KCNQ5: variants seen among roughly 807,000 people sequenced by gnomAD.
KCNQ5 encodes the protein potassium voltage-gated channel subfamily Q member 5, also known as potassium voltage-gated channel subfamily KQT member 5.
In KCNQ5, 30 loss-of-function variants were observed where a neutral mutation model predicts 98.2. The ratio of observed to expected loss-of-function variants is 0.31; its 90% CI spans 0.23 to 0.41. The LOEUF (loss-of-function observed/expected upper bound fraction) is 0.41. Among genes scored for constraint, KCNQ5 ranks in the 10% least tolerant of loss-of-function variants. The pLI, the probability that KCNQ5 is intolerant of heterozygous loss-of-function variation, is 1.00. For synonymous variants in KCNQ5, 458 were observed against 449.4 expected (o/e 1.02, Z -0.24); for missense variants, 835 against 1,182.5 (o/e 0.71, Z 4.31).
chr6:72,849,890 A>G (rs956063682), intron 1 of KCNQ5, among the ~76,000 whole-genome samples: 10 of 152,250 alleles, frequency 6.6e-5, no homozygotes, highest in Admixed American at 6.5e-4. Context: ...TCCCAGAGTC[A>G]CCAACTTGTT....
chr6:72,751,685 A>G (rs1771693399), intron 1 of KCNQ5, among the ~76,000 whole-genome samples: 1 of 152,110 alleles, frequency 6.6e-6, no homozygotes, highest in Non-Finnish European at 1.5e-5. Context: ...AAAAAGCAGC[A>G]TAATTAGGAT....
intron 2 of KCNQ5, among the ~76,000 whole-genome samples, chr6:73,009,974 A>G (rs191191116): frequency 5.6e-4 from 86 of 152,320 alleles, no homozygotes; most frequent in African/African-American, 1.9e-3. Flanking sequence ...AATCCTTCTG[A>G]AACTATTCCA....
At chr6:72,677,638 G>A (rs1299709817) in intron 1 of KCNQ5, among the ~76,000 whole-genome samples, 1 of 152,000 alleles carries the variant, frequency 6.6e-6, no homozygotes, top group Non-Finnish European at 1.5e-5. Context: ...TAAGCTTTAG[G>A]TAAGGTAAAG....
chr6:73,057,571 C>G (rs1472514824), intron 3 of KCNQ5, among the ~76,000 whole-genome samples: 2 of 151,860 alleles, frequency 1.3e-5, no homozygotes. Context: ...CTACAACAAG[C>G]ATTATAAAAC....
intron 2 of KCNQ5, among the ~76,000 whole-genome samples, chr6:73,009,661 C>A (rs186557674): frequency 6.6e-6 from 1 of 151,936 alleles, no homozygotes; most frequent in Non-Finnish European, 1.5e-5. Flanking sequence ...AAAGAATACT[C>A]GAATTAATAG....
intron 2 of KCNQ5, among the ~76,000 whole-genome samples, chr6:73,012,000 T>A (rs1279640696): frequency 6.6e-6 from 1 of 152,022 alleles, no homozygotes; most frequent in Non-Finnish European, 1.5e-5. Context: ...GAAAATGGAA[T>A]CCTTGTTCAC....
In KCNQ5 at chr6:73,104,948, C is replaced by G. The variant is rs73753244; in HGVS notation, c.919-309C>G. Among the ~76,000 whole-genome samples, 1,130 of 152,266 alleles carry G rather than the reference C, an allele frequency of 7.4e-3. 17 individuals carry two copies. The highest frequency in any genetic ancestry group is 0.025 in the African/African-American group (1,022 of 41,562). ...TTATTATTTGTGTACTGATCCAGTC[C>G]TAAATCCATGGTGCTATCATTTCTG... is the stretch of plus-strand genomic sequence containing the variant. On this transcript the variant is annotated intron_variant, in intron 5 of 13. Transcript: ENST00000370398.
chr6:72,946,422 C>A (rs117210517), intron 1 of KCNQ5, among the ~76,000 whole-genome samples: 15 of 152,074 alleles, frequency 9.9e-5, no homozygotes, highest in Admixed American at 9.2e-4. Context: ...ATTTATTACA[C>A]GCTGTAATTC....
chr6:72,732,829 G>GTGA, intron 1 of KCNQ5, among the ~76,000 whole-genome samples: 1 of 152,296 alleles, frequency 6.6e-6, no homozygotes, highest in Non-Finnish European at 1.5e-5. Flanking sequence ...AGAGTGGCAA[G>GTGA]TGACTTGCAA....
intron 10 of KCNQ5, among the ~76,000 whole-genome samples, chr6:73,154,815 T>C (rs1202929746): frequency 6.6e-6 from 1 of 152,202 alleles, no homozygotes; most frequent in Non-Finnish European, 1.5e-5. Context: ...TTATAAAAAG[T>C]AAACATTATG....
intron 1 of KCNQ5, among the ~76,000 whole-genome samples, chr6:72,773,549 T>G (rs1182193410): frequency 6.6e-6 from 1 of 152,148 alleles, no homozygotes; most frequent in Non-Finnish European, 1.5e-5. Context: ...TGTGTATACC[T>G]GTGTAAGAAA....
rs371080275 is a variant in KCNQ5, at chr6:72,684,036, G to A, written c.398+61449G>A. Among the ~76,000 whole-genome samples the A allele has an allele frequency of 2.9e-4, 44 of 152,216 alleles. 2 individuals are homozygous for A. The highest frequency in any genetic ancestry group is 1.1e-3 in the African/African-American group (44 of 41,544). ...GTCAATATCAACACACAGGTCTTTTGATTTCAAAACCTACAAGAAAACTCT... is the reference window on the plus strand; with the variant it reads ...GTCAATATCAACACACAGGTCTTTTAATTTCAAAACCTACAAGAAAACTCT... On this transcript the variant is annotated intron_variant, in intron 1 of 13. Coordinates refer to ENST00000370398, the MANE Select transcript of KCNQ5 (RefSeq NM_019842.4).
intron 1 of KCNQ5, among the ~76,000 whole-genome samples, chr6:72,654,586 G>A (rs1766048953): frequency 6.6e-6 from 1 of 152,042 alleles, no homozygotes; most frequent in South Asian, 2.1e-4. Context: ...AATGACACAA[G>A]ACTAGAGGCT....
chr6:72,683,492 C>T (rs971454891), intron 1 of KCNQ5, among the ~76,000 whole-genome samples: 5 of 151,532 alleles, frequency 3.3e-5, no homozygotes, highest in Non-Finnish European at 7.4e-5. Context: ...CTCAGCCTTC[C>T]GAGTAGCTGG....
At chr6:73,053,800 CAA>C (rs1772343599) in intron 3 of KCNQ5, among the ~76,000 whole-genome samples, 1 of 151,978 alleles carries the variant, frequency 6.6e-6, no homozygotes, top group African/African-American at 2.4e-5. Context: ...AATAGAGAAA[CAA>C]GAGCAGATCG....
At chr6:72,924,157 A>G (rs1337549951) in intron 1 of KCNQ5, among the ~76,000 whole-genome samples, 1 of 152,166 alleles carries the variant, frequency 6.6e-6, no homozygotes. Context: ...TTCATCTTCT[A>G]ATCATTACAC....
At chr6:72,941,472 C>G (rs546908378) in intron 1 of KCNQ5, among the ~76,000 whole-genome samples, 15 of 140,654 alleles carry the variant, frequency 1.1e-4, no homozygotes, top group Non-Finnish European at 2.1e-4. Flanking sequence ...TCTTCCTTCC[C>G]TCCTTCCCTC....
At chr6:72,767,919 TCAAA>T (rs977797001) in intron 1 of KCNQ5, among the ~76,000 whole-genome samples, 5 of 151,950 alleles carry the variant, frequency 3.3e-5, no homozygotes, top group South Asian at 2.1e-4. Flanking sequence ...TGGAAAACAG[TCAAA>T]CAGACTGGCA....
chr6:72,642,557 G>C (rs997287507), intron 1 of KCNQ5, among the ~76,000 whole-genome samples: 3 of 152,108 alleles, frequency 2.0e-5, no homozygotes, highest in Non-Finnish European at 4.4e-5. Context: ...ACCACAATGA[G>C]ATACCATCTC....
Sources: allele counts gnomAD v4.1 joint callset (sites outside exome capture counted in the v4.1 genomes callset), GRCh38; gene constraint gnomAD v4.1.1; transcripts MANE v1.5; gene names NCBI Gene and HGNC (gene_info 2026-07-23, HGNC 2026-07-21).